Variants in WDR17 observed in about 807,000 individuals in gnomAD.
WDR17 encodes WD repeat-containing protein 17.
A neutral mutation model predicts 161.7 loss-of-function variants in WDR17; 143 were observed. The observed-to-expected ratio is 0.88, with a 90% CI of 0.77 to 1.02. The LOEUF (loss-of-function observed/expected upper bound fraction) is 1.02. Among genes scored for constraint, WDR17 ranks in the 50% least tolerant of loss-of-function variants. WDR17 has a pLI of 0.00. For synonymous variants in WDR17, 517 were observed against 515.6 expected (o/e 1.00, Z -0.04); for missense variants, 1,469 against 1,520.9 (o/e 0.97, Z 0.57).
rs1733065946 is a variant in WDR17 at position 176,070,393 on chromosome 4, C to G, written c.-7+4314C>G. On this transcript the variant is annotated intron_variant, in intron 1 of 28. Transcript: ENST00000508596. ...CTGGGCCCTACCTTAGGTAATACAG[C>G]CCTTTACTTAGCAAATTAAAATCAG... Among the ~76,000 whole-genome samples the G allele has an allele frequency of 7.9e-5, 12 of 152,198 alleles. No homozygotes were observed. The South Asian group carries it at 2.5e-3, about 32-fold the overall frequency.
chr4:176,090,280 C>A lies in WDR17; in HGVS notation c.-6-21295C>A, dbSNP rs185563974. ...TTAAAAAAAAAAAAAAAAAGCCTGG[C>A]ATTTCCTTCCTCTTTTCTTGCTCCC... On this transcript the variant is annotated intron_variant, in intron 1 of 28. Coordinates refer to ENST00000508596, the MANE Select transcript of WDR17 (RefSeq NM_181265.4). Among the ~76,000 whole-genome samples the A allele has an allele frequency of 2.3e-3, 351 of 150,612 alleles. 8 individuals are homozygous for A. Among genetic ancestry groups the A allele is most frequent in the Non-Finnish European group, 3.4e-4 (23 of 67,792 alleles).
chr4:176,112,017 A>G (rs1739846861), intron 2 of WDR17, among the ~76,000 whole-genome samples: 1 of 152,130 alleles, frequency 6.6e-6, no homozygotes, highest in Non-Finnish European at 1.5e-5. Flanking sequence ...TGGGAGAAAA[A>G]CTTGTATAAC....
intron 22 of WDR17, among the ~76,000 whole-genome samples, chr4:176,167,660 A>AAAACAAC (rs1554036545): frequency 7.9e-6 from 1 of 125,986 alleles, no homozygotes; most frequent in African/African-American, 2.7e-5. Flanking sequence ...AAAAAAAAAA[A>AAAACAAC]AAAAAAAAAA....
chr4:176,141,869 A>G, intron 10 of WDR17, 114 bp from the exon 11 acceptor site: 1 of 839,252 alleles, frequency 1.2e-6, no homozygotes, highest in Non-Finnish European at 1.8e-6. Context: ...TGCTTTGTAG[A>G]CAAAATCTCT....
At chr4:176,132,262 A>G (rs896871418) in intron 7 of WDR17, among the ~76,000 whole-genome samples, 2 of 152,104 alleles carry the variant, frequency 1.3e-5, no homozygotes, top group Non-Finnish European at 2.9e-5. Context: ...GTTCTGTGGT[A>G]CAGCCCCACT....
chr4:176,122,881 G>A (rs943123664), intron 4 of WDR17, among the ~76,000 whole-genome samples: 2 of 152,132 alleles, frequency 1.3e-5, no homozygotes, highest in African/African-American at 2.4e-5. Flanking sequence ...GTATACTTAT[G>A]TGTGTGTATT....
chr4:176,118,820 G>A (rs1246438042), intron 3 of WDR17, among the ~76,000 whole-genome samples: 1 of 151,888 alleles, frequency 6.6e-6, no homozygotes, highest in African/African-American at 2.4e-5. Flanking sequence ...AATTAACCGG[G>A]CATGGTGGCG....
At chr4:176,136,595 T>C (rs1744448527) in intron 8 of WDR17, among the ~76,000 whole-genome samples, 1 of 151,600 alleles carries the variant, frequency 6.6e-6, no homozygotes, top group South Asian at 2.1e-4. Context: ...TGGTGCATCA[T>C]GACTTTGAGG....
chr4:176,087,137 C>G (rs1211925717), intron 1 of WDR17, among the ~76,000 whole-genome samples: 1 of 151,800 alleles, frequency 6.6e-6, no homozygotes, highest in East Asian at 1.9e-4. Context: ...CATATTTTCC[C>G]TTTCTGATGA....
At chr4:176,132,359 T>C (rs1287992076) in intron 7 of WDR17, among the ~76,000 whole-genome samples, 1 of 152,096 alleles carries the variant, frequency 6.6e-6, no homozygotes, top group Non-Finnish European at 1.5e-5. Context: ...TACTGCGTTG[T>C]AATTAATATT....
chr4:176,118,050 TA>T (rs1334593604), intron 3 of WDR17, among the ~76,000 whole-genome samples: 1 of 152,150 alleles, frequency 6.6e-6, no homozygotes, highest in African/African-American at 2.4e-5. Flanking sequence ...ACAATCCATT[TA>T]AATGAAAATG....
intron 1 of WDR17, among the ~76,000 whole-genome samples, chr4:176,077,148 T>TC (rs1287499559): frequency 6.7e-6 from 1 of 148,448 alleles, no homozygotes; most frequent in Non-Finnish European, 1.5e-5. Flanking sequence ...TCTCACTTTT[T>TC]CTCCCAATTT....
intron 1 of WDR17, among the ~76,000 whole-genome samples, chr4:176,067,411 G>C (rs1578961415): frequency 6.6e-6 from 1 of 152,294 alleles, no homozygotes; most frequent in East Asian, 1.9e-4. Context: ...TATACGGAAA[G>C]TAAAGCTCTT....
Position 176,150,107 on chromosome 4 carries a change from G to A in WDR17, c.2112G>A (p.Gln704=). 1 of 1,613,810 alleles carries A rather than the reference G, an allele frequency of 6.2e-7. No homozygotes were observed. Among genetic ancestry groups the A allele is most frequent in the Non-Finnish European group, 8.5e-7 (1 of 1,179,900 alleles). Reference sequence around the variant, plus strand: ...GTAAAGTGTCAAGAGATATTAGACAGGAAATAGAAAAACTAACTGCTAATT... The same window carrying A: ...GTAAAGTGTCAAGAGATATTAGACAAGAAATAGAAAAACTAACTGCTAATT... The part of the protein sequence containing the change: ...LCGKVSRDIR[Q]EIEKLTANSQ... The change falls in exon 15 of 29, where the codon CAG becomes CAA. Residue 704 remains glutamine (Q), a synonymous_variant. Transcript: ENST00000508596.
chr4:176,117,652 CA>C (rs528995279), intron 3 of WDR17, among the ~76,000 whole-genome samples: 51 of 152,074 alleles, frequency 3.4e-4, no homozygotes, highest in African/African-American at 1.1e-3. Context: ...TTTCTTTTGT[CA>C]CTGGATATAC....
At chr4:176,082,517 C>T (rs781442584) in intron 1 of WDR17, among the ~76,000 whole-genome samples, 3 of 151,842 alleles carry the variant, frequency 2.0e-5, no homozygotes, top group Admixed American at 6.6e-5. Context: ...CCAGGTTTTC[C>T]GGGATTGAGA....
intron 25 of WDR17, 33 bp from the exon 26 acceptor site, chr4:176,174,584 G>T: frequency 6.7e-7 from 1 of 1,502,238 alleles, no homozygotes; most frequent in South Asian, 1.2e-5. Flanking sequence ...CTCAAATTGT[G>T]GAATTTATAA....
intron 8 of WDR17, among the ~76,000 whole-genome samples, chr4:176,136,220 T>G (rs771546166): frequency 1.3e-5 from 2 of 151,660 alleles, no homozygotes; most frequent in Non-Finnish European, 3.0e-5. Flanking sequence ...AAGGTTTTAC[T>G]TACAACTCTT....
Position 176,149,902 on chromosome 4 carries a change from G to A in WDR17, c.1993G>A (p.Val665Ile), listed in dbSNP as rs1746834296. ...LWSLTALVTP[V>I]QINILADRSW... ...GTCATTAACAGCCTTAGTCACTCCT[G>A]TACAAATAAATATTCTGGCAGACAG... The change falls in exon 14 of 29, where the codon GTA (valine) becomes ATA (isoleucine). Residue 665 changes from valine (V) to isoleucine (I), a missense_variant. Coordinates refer to ENST00000508596, the MANE Select transcript of WDR17 (RefSeq NM_181265.4). The A allele has an allele frequency of 1.2e-6, 2 of 1,613,876 alleles. No homozygotes were observed. The highest frequency in any genetic ancestry group is 1.7e-6 in the Non-Finnish European group (2 of 1,179,982).
Sources: allele counts gnomAD v4.1 joint callset (sites outside exome capture counted in the v4.1 genomes callset), GRCh38; gene constraint gnomAD v4.1.1; transcripts MANE v1.5; gene names NCBI Gene and HGNC (gene_info 2026-07-23, HGNC 2026-07-21).